OR6B1: variants seen among roughly 807,000 people sequenced by gnomAD.
OR6B1 encodes the protein olfactory receptor 6B1.
Under a neutral mutation model 15.4 loss-of-function variants are expected in OR6B1, and 15 were observed. The observed-to-expected ratio is 0.97, with a 90% CI of 0.65 to 1.50. The LOEUF (loss-of-function observed/expected upper bound fraction) is 1.50. OR6B1 is among the 40% of genes most tolerant of loss of function. The probability of loss-of-function intolerance (pLI) is 0.00; values close to 1 mark genes in which losing one functional copy is unlikely to be tolerated. For missense variants in OR6B1, 384 were observed against 385.0 expected, an observed-to-expected ratio of 1.00 and a Z score of 0.02; for synonymous variants, 139 against 144.9, an observed-to-expected ratio of 0.96 and a Z score of 0.29.
At position 144,004,919 on chromosome 7, in the gene OR6B1, G is replaced by T; in HGVS notation, c.923G>T (p.Ser308Ile). ...AAGAAACTGGCATATTGCCAGGCCA[G>T]CAGATCTGACTAGTCAATTACAGCT... is the stretch of plus-strand genomic sequence containing the variant. ...ALKKLAYCQA[S>I]RSD Residue 308 changes from serine to isoleucine, a missense_variant, in exon 2 of 2, where the codon AGC becomes ATC. Ser to Ile is a moderately radical substitution (Grantham distance 142). Coordinates refer to ENST00000641698, the MANE Select transcript of OR6B1 (RefSeq NM_001005281.3). 6.2e-7 allele frequency: 1 copy of T among 1,600,298 alleles called. No homozygotes were observed.
rs2050602948 is a variant in OR6B1, at chr7:144,004,107, G to C, written c.111G>C (p.Leu37=). Residue 37 remains leucine (L), a synonymous_variant, in exon 2 of 2, where the codon CTG becomes CTC. Transcript: ENST00000641698. ...TGATATTCCTTGTGGCCTATATTCTGACAGTGGCTGAAAACGTGATCATCA... is the reference window on the plus strand; with the variant it reads ...TGATATTCCTTGTGGCCTATATTCTCACAGTGGCTGAAAACGTGATCATCA... The part of the protein sequence containing the change: ...MFLIFLVAYI[L]TVAENVIIIL... The C allele has an allele frequency of 6.2e-7, 1 of 1,613,984 alleles. No homozygotes were observed.
rs551077533 is a variant in OR6B1, at chr7:144,004,634, T to C, written c.638T>C (p.Ile213Thr). The C allele has an allele frequency of 9.9e-6, 16 of 1,614,230 alleles. No homozygotes were observed. The South Asian group carries it at 1.8e-4, about 18-fold the overall frequency. Residue 213 changes from isoleucine to threonine, a missense_variant, in exon 2 of 2, where the codon ATT (isoleucine) becomes ACT (threonine). Physicochemically the swap from Ile to Thr is moderately conservative, Grantham distance 89. Coordinates refer to ENST00000641698, the MANE Select transcript of OR6B1 (RefSeq NM_001005281.3). ...GTCATCTTCCTATTCCCACTCTTTA[T>C]TACTGTCCTGTCCTACGGATGCATT... ...ALVIFLFPLFITVLSYGCILA... is the reference protein window; with the variant it reads ...ALVIFLFPLFTTVLSYGCILA...
At position 144,005,006 on chromosome 7, in the gene OR6B1, G is replaced by A. The variant is rs2050615077; in HGVS notation, c.*74G>A. 14 of 1,044,060 alleles carry A rather than the reference G, an allele frequency of 1.3e-5. No homozygotes were observed. Among genetic ancestry groups the A allele is most frequent in the South Asian group, 3.2e-5 (2 of 62,226 alleles). 64.7% of individuals were successfully genotyped at this position (1,044,060 alleles called of 1,614,324 possible). On this transcript the variant is annotated 3_prime_UTR_variant, in exon 2 of 2. Coordinates refer to ENST00000641698, the MANE Select transcript of OR6B1 (RefSeq NM_001005281.3). ...CTTCCTCCATCCTTTCTCCTTTAAC[G>A]ACTCAGTTAGGACACTGCCCATGTT...
Position 144,005,949 on chromosome 7 carries a change from T to C in OR6B1, c.*1017T>C, listed in dbSNP as rs528367107. On this transcript the variant is annotated 3_prime_UTR_variant, in exon 2 of 2. Coordinates refer to ENST00000641698, the MANE Select transcript of OR6B1 (RefSeq NM_001005281.3). ...ATATGCTTGCTCTTGGTTCATAGTT[T>C]TGCCATTGGCAAAGGGAGATATATT... 1.3e-5 allele frequency: 2 copies of C among 152,388 alleles called. No homozygotes were observed. The highest frequency in any genetic ancestry group is 4.1e-4 in the South Asian group (2 of 4,832). The allele number at this position is 152,388 out of a possible 1,614,324, so 9.4% of individuals were successfully genotyped here. A position where few individuals can be genotyped will look rare whatever the true frequency, so the allele number is the denominator to read the frequency against.
intron 1 of OR6B1, among the ~76,000 whole-genome samples, chr7:144,001,070 T>C (rs1036588911): frequency 6.6e-6 from 1 of 152,198 alleles, no homozygotes; most frequent in East Asian, 1.9e-4. Flanking sequence ...CAAATTCAAA[T>C]TACTTGGAAC....
rs1467050742 is a variant in OR6B1 at position 144,004,530 on chromosome 7, C to T, written c.534C>T (p.Phe178=). The change falls in exon 2 of 2, where the codon TTC becomes TTT. Residue 178 remains phenylalanine, a synonymous_variant. Coordinates refer to ENST00000641698, the MANE Select transcript of OR6B1 (RefSeq NM_001005281.3). ...FCGPNVINHF[F]CDISPVLNLS... Reference sequence around the variant, plus strand: ...GTCCCAATGTCATCAACCACTTCTTCTGTGACATCTCTCCAGTACTTAATC... The same window carrying T: ...GTCCCAATGTCATCAACCACTTCTTTTGTGACATCTCTCCAGTACTTAATC... 2 of 1,614,106 alleles carry T rather than the reference C, an allele frequency of 1.2e-6. No homozygotes were observed. The highest frequency in any genetic ancestry group is 1.7e-5 in the Admixed American group (1 of 60,006).
At position 144,004,878 on chromosome 7, in the gene OR6B1, G is replaced by A. The variant is rs1457214677; in HGVS notation, c.882G>A (p.Glu294=). Residue 294 remains glutamate (E), a synonymous_variant, in exon 2 of 2, where the codon GAG becomes GAA. Coordinates refer to ENST00000641698, the MANE Select transcript of OR6B1 (RefSeq NM_001005281.3). The stretch of plus-strand genomic sequence containing the variant: ...TCATTTATTGCCTAAGAAACCGAGA[G>A]GTCAAGGAAGCTCTGAAGAAACTGG... ...NPFIYCLRNR[E]VKEALKKLAY... The A allele has an allele frequency of 6.2e-7, 1 of 1,611,266 alleles. No individual in the cohort carries two copies. The highest frequency in any genetic ancestry group is 1.7e-5 in the Admixed American group (1 of 59,916).
intron 1 of OR6B1, among the ~76,000 whole-genome samples, chr7:144,003,670 A>T (rs953757609): frequency 5.3e-5 from 8 of 152,064 alleles, no homozygotes; most frequent in Admixed American, 1.3e-4. Flanking sequence ...TGGGCTTTAG[A>T]CTGAGACTTG....
rs141879195 is a variant in OR6B1, at chr7:144,007,908, A to G, written c.*2976A>G. On this transcript the variant is annotated 3_prime_UTR_variant, in exon 2 of 2. Transcript: ENST00000641698. ...CAATGTCCAATGACAAGTTCCTTAT[A>G]TGAGAGAGAAGAGAAAACAGAGAAG... 6.6e-6 allele frequency: 1 copy of G among 152,326 alleles called. No individual in the cohort carries two copies. The highest frequency in any genetic ancestry group is 2.4e-5 in the African/African-American group (1 of 41,576). 9.4% of individuals were successfully genotyped at this position (152,326 alleles called of 1,614,324 possible). A position where few individuals can be genotyped will look rare whatever the true frequency, so the allele number is the denominator to read the frequency against.
In OR6B1 at chr7:144,005,582, A is replaced by G. The variant is rs543861275; in HGVS notation, c.*650A>G. 1 of 152,346 alleles carries G rather than the reference A, an allele frequency of 6.6e-6. No homozygotes were observed. The highest frequency in any genetic ancestry group is 2.1e-4 in the South Asian group (1 of 4,830). The allele number at this position is 152,346 out of a possible 1,614,324, so 9.4% of individuals were successfully genotyped here. A position where few individuals can be genotyped will look rare whatever the true frequency, so the allele number is the denominator to read the frequency against. On this transcript the variant is annotated 3_prime_UTR_variant, in exon 2 of 2. Coordinates refer to ENST00000641698, the MANE Select transcript of OR6B1 (RefSeq NM_001005281.3). ...ATTTCCCTTCTAGGTGCCACAATGTATCCTTTAGTGGATGAACATAAAATA... is the reference window on the plus strand; with the variant it reads ...ATTTCCCTTCTAGGTGCCACAATGTGTCCTTTAGTGGATGAACATAAAATA...
Position 144,004,078 on chromosome 7 carries a change from T to G in OR6B1, c.82T>G (p.Phe28Val). ...GAGCTTGAGTATGCGGGCAGCCATG[T>G]TTCTGATATTCCTTGTGGCCTATAT... ...PGSLSMRAAM[F>V]LIFLVAYILT... Residue 28 changes from phenylalanine (F) to valine (V), a missense_variant, in exon 2 of 2, where the codon TTT (phenylalanine) becomes GTT (valine). Transcript: ENST00000641698. 2 of 1,614,092 alleles carry G rather than the reference T, an allele frequency of 1.2e-6. No homozygotes were observed. The highest frequency in any genetic ancestry group is 2.2e-5 in the South Asian group (2 of 91,078).
Position 144,004,884 on chromosome 7 carries a change from G to T in OR6B1, c.888G>T (p.Lys296Asn). 1 of 1,610,612 alleles carries T rather than the reference G, an allele frequency of 6.2e-7. No homozygotes were observed. The change falls in exon 2 of 2, where the codon AAG becomes AAT. Residue 296 changes from lysine (K) to asparagine (N), a missense_variant. Lys to Asn is a moderately conservative substitution (Grantham distance 94). Coordinates refer to ENST00000641698, the MANE Select transcript of OR6B1 (RefSeq NM_001005281.3). ...FIYCLRNREVKEALKKLAYCQ... is the reference protein window; with the variant it reads ...FIYCLRNREVNEALKKLAYCQ... ...ATTGCCTAAGAAACCGAGAGGTCAAGGAAGCTCTGAAGAAACTGGCATATT... is the reference window on the plus strand; with the variant it reads ...ATTGCCTAAGAAACCGAGAGGTCAATGAAGCTCTGAAGAAACTGGCATATT...
chr7:144,002,086 T>A (rs1306925159), intron 1 of OR6B1, among the ~76,000 whole-genome samples: 1 of 152,216 alleles, frequency 6.6e-6, no homozygotes, highest in Non-Finnish European at 1.5e-5. Flanking sequence ...CATTGGTAAG[T>A]CCAAAATGTG....
At position 144,004,958 on chromosome 7, in the gene OR6B1, G is replaced by A. The variant is rs78764076; in HGVS notation, c.*26G>A. 4.6e-3 allele frequency: 6,939 copies of A among 1,502,768 alleles called. 279 individuals are homozygous for A. The African/African-American group carries it at 0.084, about 18-fold the overall frequency. The allele number at this position is 1,502,768 out of a possible 1,614,324, so 93.1% of individuals were successfully genotyped here. ...TCAATTACAGCTGATTAGAAAGAAA[G>A]GTCTGAGTGGGTGCCTGTATGTCTT... On this transcript the variant is annotated 3_prime_UTR_variant, in exon 2 of 2. Transcript: ENST00000641698.
chr7:144,004,666 A>G lies in OR6B1; in HGVS notation c.670A>G (p.Thr224Ala). The change falls in exon 2 of 2, where the codon ACC becomes GCC. Residue 224 changes from threonine (T) to alanine (A), a missense_variant. Transcript: ENST00000641698. Reference sequence around the variant, plus strand: ...CCTGTCCTACGGATGCATTCTGGCCACCATATTATGCATGCCCACAGGAAA... The same window carrying G: ...CCTGTCCTACGGATGCATTCTGGCCGCCATATTATGCATGCCCACAGGAAA... ...TVLSYGCILA[T>A]ILCMPTGKQK... 2 of 1,614,182 alleles carry G rather than the reference A, an allele frequency of 1.2e-6. No individual in the cohort carries two copies. The highest frequency in any genetic ancestry group is 1.7e-6 in the Non-Finnish European group (2 of 1,180,010).
intron 1 of OR6B1, 166 bp from the exon 2 acceptor site, chr7:144,003,806 C>G: frequency 1.0e-5 from 6 of 595,724 alleles, no homozygotes. Context: ...CACACACACA[C>G]ACACGGCTAT....
chr7:144,004,440 C>T lies in OR6B1; in HGVS notation c.444C>T (p.Ser148=), dbSNP rs935677851. The T allele has an allele frequency of 1.9e-6, 3 of 1,614,082 alleles. No individual in the cohort carries two copies. Among genetic ancestry groups the T allele is most frequent in the Non-Finnish European group, 2.5e-6 (3 of 1,180,042 alleles). The change falls in exon 2 of 2, where the codon TCC becomes TCT. Residue 148 remains serine (S), a synonymous_variant. Coordinates refer to ENST00000641698, the MANE Select transcript of OR6B1 (RefSeq NM_001005281.3). Reference sequence around the variant, plus strand: ...TCTGCTTCCGCCTCGCTCTTGGTTCCTGGGCCATTGGCTTTGGCATCTCCC... The same window carrying T: ...TCTGCTTCCGCCTCGCTCTTGGTTCTTGGGCCATTGGCTTTGGCATCTCCC... ...HGLCFRLALG[S]WAIGFGISLA... is the part of the protein sequence containing the mutation.
Position 144,004,704 on chromosome 7 carries a change from C to A in OR6B1, c.708C>A (p.Phe236Leu). ...LCMPTGKQKA[F>L]STCASHLVVV... is the part of the protein sequence containing the mutation. ...TGCCCACAGGAAAGCAGAAAGCGTT[C>A]TCCACTTGTGCCTCCCATCTTGTGG... is the stretch of plus-strand genomic sequence containing the variant. Residue 236 changes from phenylalanine (F) to leucine (L), a missense_variant, in exon 2 of 2, where the codon TTC becomes TTA. Coordinates refer to ENST00000641698, the MANE Select transcript of OR6B1 (RefSeq NM_001005281.3). 6.2e-7 allele frequency: 1 copy of A among 1,614,194 alleles called. No homozygotes were observed. The highest frequency in any genetic ancestry group is 8.5e-7 in the Non-Finnish European group (1 of 1,180,012).
In OR6B1 at chr7:144,004,203, G is replaced by T. The variant is rs2050603997; in HGVS notation, c.207G>T (p.Leu69Phe). ...MYFFLANLSFLETWYISVTVP... is the reference protein window; with the variant it reads ...MYFFLANLSFFETWYISVTVP... The stretch of plus-strand genomic sequence containing the variant: ...TCTTCCTGGCCAACCTGTCCTTCTT[G>T]GAGACCTGGTACATCTCTGTGACTG... The change falls in exon 2 of 2, where the codon TTG becomes TTT. Residue 69 changes from leucine to phenylalanine, a missense_variant. By Grantham distance (22) the Leu-to-Phe change is conservative. Transcript: ENST00000641698. 6.2e-7 allele frequency: 1 copy of T among 1,614,022 alleles called. No homozygotes were observed. The highest frequency in any genetic ancestry group is 1.3e-5 in the African/African-American group (1 of 74,932).
Sources: allele counts gnomAD v4.1 joint callset (sites outside exome capture counted in the v4.1 genomes callset), GRCh38; gene constraint gnomAD v4.1.1; transcripts MANE v1.5; gene names NCBI Gene and HGNC (gene_info 2026-07-23, HGNC 2026-07-21).